RPH3A: variants seen among roughly 807,000 people sequenced by gnomAD.
RPH3A encodes rabphilin 3A.
In RPH3A, 48 loss-of-function variants were observed where a neutral mutation model predicts 102.2. That is an observed-to-expected ratio of 0.47 (90% confidence interval 0.37 to 0.60). The LOEUF is 0.60. Among genes scored for constraint, RPH3A ranks in the 20% least tolerant of loss-of-function variants. RPH3A has a pLI of 0.00. For synonymous variants in RPH3A, 310 were observed against 324.3 expected (o/e 0.96, Z 0.47); for missense variants, 781 against 910.1 (o/e 0.86, Z 1.83).
intron 4 of RPH3A, among the ~76,000 whole-genome samples, chr12:112,843,581 G>C (rs576519567): frequency 6.6e-6 from 1 of 152,224 alleles, no homozygotes; most frequent in Non-Finnish European, 1.5e-5. Context: ...ACCGGCAATG[G>C]TGTGGTGGTG....
chr12:112,663,734 G>A (rs1284096717), intron 1 of RPH3A, among the ~76,000 whole-genome samples: 2 of 152,086 alleles, frequency 1.3e-5, no homozygotes, highest in Non-Finnish European at 2.9e-5. Flanking sequence ...CAGGAGTCCA[G>A]ACCAATACAC....
chr12:112,871,473 C>T (rs375094138), intron 10 of RPH3A, among the ~76,000 whole-genome samples: 3 of 152,092 alleles, frequency 2.0e-5, no homozygotes, highest in Non-Finnish European at 4.4e-5. Flanking sequence ...TGGCTTATTC[C>T]ACCTAGCATA....
intron 1 of RPH3A, among the ~76,000 whole-genome samples, chr12:112,711,822 G>A (rs1261872202): frequency 6.6e-6 from 1 of 152,046 alleles, no homozygotes; most frequent in Non-Finnish European, 1.5e-5. Context: ...CTCGTTCCTT[G>A]TTCTCTGTAC....
chr12:112,664,296 G>C (rs1167622830), intron 1 of RPH3A, among the ~76,000 whole-genome samples: 1 of 152,054 alleles, frequency 6.6e-6, no homozygotes, highest in Non-Finnish European at 1.5e-5. Flanking sequence ...TGAGGAGTTA[G>C]GATTATGTCA....
At chr12:112,712,904 C>CTCTTCTTCTTCTTCT (rs1387688395) in intron 1 of RPH3A, among the ~76,000 whole-genome samples, 6 of 92,542 alleles carry the variant, frequency 6.5e-5, no homozygotes, top group African/African-American at 2.8e-4. Context: ...CTTCTTCTTC[C>CTCTTCTTCTTCTTCT]TCTTCTTCTT....
chr12:112,603,391 T>G lies in RPH3A; in HGVS notation c.-140+28072T>G, dbSNP rs553869526. Among the ~76,000 whole-genome samples the G allele has an allele frequency of 2.5e-4, 38 of 152,172 alleles. No individual in the cohort carries two copies. The East Asian group carries it at 5.0e-3, about 20-fold the overall frequency. On this transcript the variant is annotated intron_variant, in intron 1 of 21. Transcript: ENST00000543106. ...GAAAGAATTCTGGGTGAGTCCACAG[T>G]GCAAAGCAAAAGCAAGTTTATTAAG... is the stretch of plus-strand genomic sequence containing the variant.
chr12:112,607,893 T>C (rs539495543), intron 1 of RPH3A, among the ~76,000 whole-genome samples: 4 of 152,332 alleles, frequency 2.6e-5, no homozygotes, highest in African/African-American at 9.6e-5. Context: ...GCAGTTTGCT[T>C]TGAAGTCACT....
At chr12:112,723,862 T>G (rs925571351) in intron 1 of RPH3A, among the ~76,000 whole-genome samples, 5 of 152,202 alleles carry the variant, frequency 3.3e-5, no homozygotes, top group African/African-American at 7.2e-5. Context: ...ATATTGCATA[T>G]TTACATATCT....
intron 12 of RPH3A, 22 bp from the exon 13 acceptor site, chr12:112,876,620 T>C: frequency 6.5e-7 from 1 of 1,539,254 alleles, no homozygotes; most frequent in Middle Eastern, 2.1e-4. Flanking sequence ...GCTGCATGTT[T>C]CCTGTCCTTA....
chr12:112,644,611 C>T (rs1354612089), intron 1 of RPH3A, among the ~76,000 whole-genome samples: 1 of 152,182 alleles, frequency 6.6e-6, no homozygotes, highest in East Asian at 1.9e-4. Flanking sequence ...GGCTGAGAAA[C>T]ATTTATTGAG....
At chr12:112,708,449 G>A (rs2040439500) in intron 1 of RPH3A, among the ~76,000 whole-genome samples, 1 of 152,182 alleles carries the variant, frequency 6.6e-6, no homozygotes, top group African/African-American at 2.4e-5. Flanking sequence ...TCATTAATGA[G>A]ATGCCAAAAT....
At chr12:112,618,336 T>C (rs2039696818) in intron 1 of RPH3A, among the ~76,000 whole-genome samples, 1 of 152,202 alleles carries the variant, frequency 6.6e-6, no homozygotes, top group Admixed American at 6.5e-5. Context: ...CTGTTGCTAT[T>C]CTGCAGAGCA....
In RPH3A at chr12:112,883,381, A is replaced by T; in HGVS notation, c.1415A>T (p.Asp472Val). The T allele has an allele frequency of 6.2e-7, 1 of 1,614,008 alleles. No individual in the cohort carries two copies. Among genetic ancestry groups the T allele is most frequent in the Non-Finnish European group, 8.5e-7 (1 of 1,179,888 alleles). Reference sequence around the variant, plus strand: ...GTGTATCACGGCATCACCGATGAGGACATGCAAAGGAAGACCCTCAGGTAC... The same window carrying T: ...GTGTATCACGGCATCACCGATGAGGTCATGCAAAGGAAGACCCTCAGGTAC... The part of the protein sequence containing the change: ...TLVYHGITDE[D>V]MQRKTLRISV... The change falls in exon 16 of 22, where the codon GAC becomes GTC. Residue 472 changes from aspartate (D) to valine (V), a missense_variant. Coordinates refer to ENST00000389385, the MANE Select transcript of RPH3A (RefSeq NM_001143854.2).
intron 5 of RPH3A, among the ~76,000 whole-genome samples, chr12:112,849,696 A>G (rs2042290927): frequency 6.6e-6 from 1 of 152,204 alleles, no homozygotes; most frequent in Non-Finnish European, 1.5e-5. Flanking sequence ...AAAGCCTGGT[A>G]CATAATAGGT....
chr12:112,722,005 C>A (rs1006223357), intron 1 of RPH3A, among the ~76,000 whole-genome samples: 2 of 152,142 alleles, frequency 1.3e-5, no homozygotes, highest in African/African-American at 4.8e-5. Context: ...AATCTGTCTG[C>A]ACCTATGGTA....
At chr12:112,681,568 T>G (rs1159829492) in intron 1 of RPH3A, among the ~76,000 whole-genome samples, 1 of 152,232 alleles carries the variant, frequency 6.6e-6, no homozygotes, top group East Asian at 1.9e-4. Context: ...ACCTCCTAAC[T>G]GCCTTTTCCA....
intron 1 of RPH3A, among the ~76,000 whole-genome samples, chr12:112,721,240 A>G (rs1432395082): frequency 6.6e-6 from 1 of 152,182 alleles, no homozygotes; most frequent in Non-Finnish European, 1.5e-5. Context: ...TCTACTCTTG[A>G]CATTAGCCGC....
chr12:112,867,933 G>T (rs558949741), intron 7 of RPH3A, among the ~76,000 whole-genome samples: 3 of 152,164 alleles, frequency 2.0e-5, no homozygotes, highest in Non-Finnish European at 2.9e-5. Context: ...CACAGAGCAG[G>T]GTGGAGAATG....
At chr12:112,842,988 C>G (rs1355554596) in intron 4 of RPH3A, among the ~76,000 whole-genome samples, 1 of 151,256 alleles carries the variant, frequency 6.6e-6, no homozygotes, top group Non-Finnish European at 1.5e-5. Flanking sequence ...TCAACAAGGG[C>G]TCAAATTGGC....
Sources: gnomAD v4.1 joint callset for allele counts (sites outside exome capture counted in the v4.1 genomes callset) on GRCh38, gnomAD v4.1.1 for gene constraint, MANE v1.5 for transcripts, NCBI Gene and HGNC (gene_info 2026-07-23, HGNC 2026-07-21) for gene names.